The following UBAP2 variants were observed in gnomAD, a reference collection of about 807,000 sequenced individuals.
UBAP2 encodes ubiquitin-associated protein 2.
UBAP2 carries 75 observed loss-of-function variants against 139.6 expected under a neutral mutation model. The ratio of observed to expected loss-of-function variants is 0.54; its 90% CI spans 0.45 to 0.65. UBAP2 has a LOEUF of 0.65. Ranked by LOEUF, UBAP2 falls within the 30% of genes least tolerant of loss-of-function variation. The pLI is 0.00. For missense variants in UBAP2, 1,368 were observed against 1,369.6 expected (o/e 1.00, Z 0.02); for synonymous variants, 526 against 526.2 (o/e 1.00, Z 0.01).
intron 1 of UBAP2, among the ~76,000 whole-genome samples, chr9:34,034,416 G>C (rs1167425956): frequency 6.6e-6 from 1 of 152,048 alleles, no homozygotes; most frequent in East Asian, 1.9e-4. Context: ...AAAAATGTCT[G>C]TTACCTAAAG....
chr9:33,924,277 T>C lies in UBAP2; in HGVS notation c.2519A>G (p.Tyr840Cys), dbSNP rs529797071. Residue 840 changes from tyrosine to cysteine, a missense_variant, in exon 23 of 29, where the codon TAT becomes TGT. By Grantham distance (194) the Tyr-to-Cys change is radical. Coordinates refer to ENST00000379238, the MANE Select transcript of UBAP2 (RefSeq NM_001370062.2). The stretch of plus-strand genomic sequence containing the variant: ...TGTGGGTGCAGCAAAGGGAATTCCA[T>C]AGTAGTCCTAGGAGAGACCAGGGAG... ...MLQSRLPVDY[Y>C]GIPFAAPTAL... 3.1e-6 allele frequency: 5 copies of C among 1,613,988 alleles called. No individual in the cohort carries two copies. The African/African-American group carries it at 4.0e-5, about 13-fold the overall frequency.
At chr9:34,012,186 AAG>A (rs1476850661) in intron 2 of UBAP2, among the ~76,000 whole-genome samples, 16 of 152,308 alleles carry the variant, frequency 1.1e-4, no homozygotes, top group Middle Eastern at 3.4e-3. Flanking sequence ...ATAAATTCAC[AAG>A]AGAGTTGACA....
intron 2 of UBAP2, among the ~76,000 whole-genome samples, chr9:34,007,635 ATGTTT>A (rs1308955715): frequency 6.9e-6 from 1 of 145,534 alleles, no homozygotes; most frequent in African/African-American, 2.5e-5. Context: ...TTGTCCTTGT[ATGTTT>A]TATTTTTATT....
Position 33,923,021 on chromosome 9 carries a change from G to A in UBAP2, c.3017C>T (p.Ser1006Phe), listed in dbSNP as rs930517752. 1 of 1,614,176 alleles carries A rather than the reference G, an allele frequency of 6.2e-7. No homozygotes were observed. Among genetic ancestry groups the A allele is most frequent in the Non-Finnish European group, 8.5e-7 (1 of 1,180,026 alleles). Residue 1006 changes from serine to phenylalanine, a missense_variant, in exon 27 of 29, where the codon TCT becomes TTT. Transcript: ENST00000379238. The part of the protein sequence containing the change: ...GSGPGKGVSV[S>F]SSTTGLPDMT... ...ATCAGGTAGACCAGTGGTGCTTGAA[G>A]ACACTGATACTCCTAGGAGGAAAAG...
At chr9:33,985,296 T>C (rs1292123094) in intron 6 of UBAP2, among the ~76,000 whole-genome samples, 1 of 152,218 alleles carries the variant, frequency 6.6e-6, no homozygotes, top group African/African-American at 2.4e-5. Flanking sequence ...TTGAGGTATT[T>C]AGGATATCCG....
intron 1 of UBAP2, among the ~76,000 whole-genome samples, chr9:34,035,072 T>C (rs1158177893): frequency 6.6e-6 from 1 of 152,108 alleles, no homozygotes; most frequent in Non-Finnish European, 1.5e-5. Flanking sequence ...AAACATCTCC[T>C]TAACCTTCTG....
chr9:34,012,537 A>AC (rs962558970), intron 2 of UBAP2, among the ~76,000 whole-genome samples: 5 of 151,832 alleles, frequency 3.3e-5, no homozygotes, highest in African/African-American at 1.2e-4. Context: ...TCAAAAAAAA[A>AC]AAAAGGCATT....
At chr9:33,997,258 G>A (rs1822283475) in intron 3 of UBAP2, 1 of 152,138 alleles carries the variant, frequency 6.6e-6, no homozygotes. Flanking sequence ...TTCATCACTA[G>A]AACGATCACA....
intron 2 of UBAP2, among the ~76,000 whole-genome samples, chr9:34,013,796 G>C (rs1823986278): frequency 1.3e-5 from 2 of 151,794 alleles, no homozygotes; most frequent in East Asian, 1.9e-4. Context: ...AGAATCGCTT[G>C]GACCCAGGAG....
At chr9:33,932,523 A>T in intron 19 of UBAP2, 39 bp downstream of exon 19, 2 of 1,610,802 alleles carry the variant, frequency 1.2e-6, no homozygotes, top group Non-Finnish European at 1.7e-6. Flanking sequence ...CAGGCTCCCC[A>T]AGCATGGCGG....
intron 20 of UBAP2, 110 bp downstream of exon 20, chr9:33,927,687 C>A (rs1190947659): frequency 2.6e-6 from 3 of 1,152,442 alleles, no homozygotes; most frequent in African/African-American, 1.5e-5. Context: ...ACACGCAGCG[C>A]ACTCGGCGGG....
intron 8 of UBAP2, among the ~76,000 whole-genome samples, chr9:33,967,747 T>G (rs886676930): frequency 6.6e-6 from 1 of 152,214 alleles, no homozygotes; most frequent in Non-Finnish European, 1.5e-5. Context: ...TTAAAGGGGC[T>G]GTAAAAAATA....
chr9:33,961,633 A>G (rs1394476346), intron 9 of UBAP2, among the ~76,000 whole-genome samples: 1 of 152,240 alleles, frequency 6.6e-6, no homozygotes. Flanking sequence ...AAGGAAATAC[A>G]CTAAGAAATT....
chr9:34,010,113 CCTGT>C (rs1469449230), intron 2 of UBAP2, among the ~76,000 whole-genome samples: 2 of 78,468 alleles, frequency 2.5e-5, no homozygotes, highest in Non-Finnish European at 5.1e-5. Context: ...AGCCCGAGGT[CCTGT>C]CTATTAAAAA....
chr9:33,994,684 C>A (rs1277408269), intron 4 of UBAP2: 2 of 151,384 alleles, frequency 1.3e-5, no homozygotes, highest in Non-Finnish European at 2.9e-5. Flanking sequence ...AAAAAAATCA[C>A]AAATTTGATG....
In UBAP2 at chr9:33,940,523, C is replaced by T. The variant is rs74973857; in HGVS notation, c.1929+1126G>A. 5.0e-3 allele frequency among the ~76,000 whole-genome samples: 758 copies of T among 152,274 alleles called. 5 individuals carry two copies. Among genetic ancestry groups the T allele is most frequent in the African/African-American group, 0.017 (727 of 41,556 alleles). ...CCAGTGTAGTGGCTCACCCTATAAT[C>T]CCAGCACTTTGGAAGAAGGCCAAGA... is the stretch of plus-strand genomic sequence containing the variant. On this transcript the variant is annotated intron_variant, in intron 16 of 28. Coordinates refer to ENST00000379238, the MANE Select transcript of UBAP2 (RefSeq NM_001370062.2).
chr9:34,048,999 G>A (rs1827884204), upstream of UBAP2: 1 of 152,298 alleles, frequency 6.6e-6, no homozygotes, highest in Admixed American at 6.5e-5. Context: ...TTCAGAGTCA[G>A]CCTAGGCGGC....
chr9:34,020,285 T>C (rs970886142), intron 1 of UBAP2, among the ~76,000 whole-genome samples: 3 of 151,212 alleles, frequency 2.0e-5, no homozygotes, highest in East Asian at 3.9e-4. Context: ...CAATAACACA[T>C]AGAGCTATCA....
intron 8 of UBAP2, 57 bp from the exon 9 acceptor site, chr9:33,963,848 T>G: frequency 4.1e-6 from 5 of 1,220,872 alleles, no homozygotes; most frequent in Non-Finnish European, 4.9e-6. Context: ...AAAGTATTCA[T>G]CACAGAGAAG....
Sources: allele counts gnomAD v4.1 joint callset (sites outside exome capture counted in the v4.1 genomes callset), GRCh38; gene constraint gnomAD v4.1.1; transcripts MANE v1.5; gene names NCBI Gene and HGNC (gene_info 2026-07-23, HGNC 2026-07-21).